Variants in YWHAE observed in about 807,000 individuals in gnomAD.
YWHAE encodes the protein tyrosine 3-monooxygenase/tryptophan 5-monooxygenase activation protein epsilon.
In YWHAE, 4 loss-of-function variants were observed where a neutral mutation model predicts 30.1. The ratio of observed to expected loss-of-function variants is 0.13; its 90% CI spans 0.07 to 0.30. The LOEUF is 0.30. YWHAE is among the 10% of genes least tolerant of loss of function. The pLI is 1.00. For missense variants in YWHAE, 121 were observed against 315.9 expected (o/e 0.38, Z 4.68); for synonymous variants, 118 against 111.8 (o/e 1.06, Z -0.35).
At chr17:1,365,210 C>A in intron 1 of YWHAE, 152 bp from the exon 2 acceptor site, 1 of 884,352 alleles carries the variant, frequency 1.1e-6, no homozygotes, top group Non-Finnish European at 1.7e-6. Context: ...AGTAAAAAGC[C>A]AAAAACATGT....
chr17:1,361,799 C>A, intron 3 of YWHAE, 103 bp downstream of exon 3: 1 of 663,374 alleles, frequency 1.5e-6, no homozygotes, highest in Non-Finnish European at 2.4e-6. Context: ...TAACATTGAA[C>A]AATTATTCTT....
intron 4 of YWHAE, among the ~76,000 whole-genome samples, chr17:1,358,562 G>A (rs1023652110): frequency 3.3e-5 from 5 of 150,948 alleles, no homozygotes; most frequent in South Asian, 2.1e-4. Flanking sequence ...AAAATTGGCC[G>A]GGCGCAGTGG....
chr17:1,372,268 G>C (rs2073054610), intron 1 of YWHAE, among the ~76,000 whole-genome samples: 1 of 152,246 alleles, frequency 6.6e-6, no homozygotes, highest in African/African-American at 2.4e-5. Flanking sequence ...AAGAGAGTTA[G>C]AGGGTTGGTC....
intron 1 of YWHAE, among the ~76,000 whole-genome samples, chr17:1,383,463 T>G (rs1466570236): frequency 6.7e-6 from 1 of 149,530 alleles, no homozygotes; most frequent in Non-Finnish European, 1.5e-5. Flanking sequence ...TTTCAGCTCC[T>G]GGCAACCTCT....
chr17:1,387,690 C>T (rs1231830034), intron 1 of YWHAE, among the ~76,000 whole-genome samples: 4 of 152,010 alleles, frequency 2.6e-5, no homozygotes, highest in Admixed American at 6.6e-5. Flanking sequence ...GCCACAATCT[C>T]GGCATTCTGC....
At chr17:1,358,686 C>G (rs529643760) in intron 4 of YWHAE, among the ~76,000 whole-genome samples, 9 of 151,976 alleles carry the variant, frequency 5.9e-5, no homozygotes, top group Admixed American at 1.3e-4. Context: ...AAAAATTAGC[C>G]AAGCATGGTG....
Position 1,374,725 on chromosome 17 carries a change from G to GTTC in YWHAE, c.65-9670_65-9668dup, listed in dbSNP as rs2073098508. ...ATGTGCTTATGAGCCTTTTGCGTATGTTCTCTGGAGAAATATCTATTCAAA... is the reference window on the plus strand; with the variant it reads ...ATGTGCTTATGAGCCTTTTGCGTATGTTCTTCTCTGGAGAAATATCTATTCAAA... On this transcript the variant is annotated intron_variant, in intron 1 of 5. Transcript: ENST00000264335. 2.0e-5 allele frequency among the ~76,000 whole-genome samples: 3 copies of GTTC among 152,148 alleles called. No homozygotes were observed. The South Asian group carries it at 6.2e-4, about 31-fold the overall frequency.
chr17:1,351,774 T>C (rs1230107476), intron 5 of YWHAE, among the ~76,000 whole-genome samples: 1 of 151,970 alleles, frequency 6.6e-6, no homozygotes, highest in Admixed American at 6.6e-5. Flanking sequence ...GGCTGTTGTT[T>C]TTGTTTTTTG....
intron 1 of YWHAE, among the ~76,000 whole-genome samples, chr17:1,373,877 TC>T (rs1448791408): frequency 1.3e-5 from 2 of 152,018 alleles, no homozygotes; most frequent in African/African-American, 4.8e-5. Flanking sequence ...GTATGGAGCC[TC>T]CCATGACTGG....
In YWHAE at chr17:1,362,017, A is replaced by T. The variant is rs1267624916; in HGVS notation, c.265-9T>A. On this transcript the variant is annotated splice_polypyrimidine_tract_variant and intron_variant, in intron 2 of 5. Coordinates refer to ENST00000264335, the MANE Select transcript of YWHAE (RefSeq NM_006761.5). ...TTTAGCTCAGTCTCAACCTAAAAAA[A>T]AAAAAATTTTTTTTAAATCAGATTA... is the stretch of plus-strand genomic sequence containing the variant. 1 of 1,536,802 alleles carries T rather than the reference A, an allele frequency of 6.5e-7. No homozygotes were observed. The highest frequency in any genetic ancestry group is 8.7e-7 in the Non-Finnish European group (1 of 1,148,260).
chr17:1,352,276 AAACAT>A (rs1374815960), intron 5 of YWHAE: 1 of 152,158 alleles, frequency 6.6e-6, no homozygotes, highest in African/African-American at 2.4e-5. Flanking sequence ...GTCAAATCCT[AAACAT>A]ATCATAAAGC....
chr17:1,394,788 G>GA (rs560929878), intron 1 of YWHAE, among the ~76,000 whole-genome samples: 3 of 148,416 alleles, frequency 2.0e-5, no homozygotes, highest in Non-Finnish European at 4.5e-5. Flanking sequence ...CAAACATGGT[G>GA]AAACCCCATC....
intron 5 of YWHAE, chr17:1,348,060 C>T (rs1365710354): frequency 1.1e-6 from 1 of 930,326 alleles, no homozygotes; most frequent in Non-Finnish European, 1.3e-6. Context: ...AGCAACATTA[C>T]AAGAAAAATA....
At chr17:1,390,124 G>T (rs1027839654) in intron 1 of YWHAE, among the ~76,000 whole-genome samples, 1 of 152,192 alleles carries the variant, frequency 6.6e-6, no homozygotes, top group Non-Finnish European at 1.5e-5. Context: ...GATTACAGGT[G>T]TGAGCCACTG....
intron 1 of YWHAE, among the ~76,000 whole-genome samples, chr17:1,397,333 A>G (rs1016490904): frequency 1.3e-5 from 2 of 152,228 alleles, no homozygotes; most frequent in Non-Finnish European, 2.9e-5. Flanking sequence ...CTGGCTTGTT[A>G]AAGTGATGAG....
chr17:1,388,502 C>T (rs1237171825), intron 1 of YWHAE, among the ~76,000 whole-genome samples: 1 of 147,840 alleles, frequency 6.8e-6, no homozygotes, highest in Non-Finnish European at 1.5e-5. Flanking sequence ...CCAGCCTGGG[C>T]AACAGAGCAA....
chr17:1,351,848 C>T (rs1051402324), intron 5 of YWHAE, among the ~76,000 whole-genome samples: 2 of 152,128 alleles, frequency 1.3e-5, no homozygotes, highest in South Asian at 2.1e-4. Flanking sequence ...TGCAGTGGGG[C>T]GTGATCTCAG....
intron 5 of YWHAE, 88 bp downstream of exon 5, chr17:1,354,123 T>C (rs2072687461): frequency 8.7e-6 from 13 of 1,489,752 alleles, no homozygotes; most frequent in South Asian, 4.0e-5. Context: ...TCTAGCTTGA[T>C]ATAACGACAA....
intron 4 of YWHAE, among the ~76,000 whole-genome samples, chr17:1,359,811 GT>G (rs879783534): frequency 2.6e-4 from 25 of 96,470 alleles, no homozygotes; most frequent in South Asian, 1.6e-3. Context: ...CCACTAAATT[GT>G]TGTGTGTGTG....
Sources: gnomAD v4.1 joint callset for allele counts (sites outside exome capture counted in the v4.1 genomes callset) on GRCh38, gnomAD v4.1.1 for gene constraint, MANE v1.5 for transcripts, NCBI Gene and HGNC (gene_info 2026-07-23, HGNC 2026-07-21) for gene names.